VEGFA: variants seen among roughly 807,000 people sequenced by gnomAD.
VEGFA encodes the protein vascular endothelial growth factor A.
VEGFA carries 20 observed loss-of-function variants against 49.7 expected under a neutral mutation model. The observed-to-expected ratio is 0.40, with a 90% CI of 0.28 to 0.58. The LOEUF is 0.58. Among genes scored for constraint, VEGFA ranks in the 20% least tolerant of loss-of-function variants. VEGFA has a pLI of 0.40. For missense variants in VEGFA, 505 were observed against 553.5 expected (o/e 0.91, Z 0.88); for synonymous variants, 219 against 223.4 (o/e 0.98, Z 0.18).
chr6:43,774,319 CT>C, intron 1 of VEGFA, 21 bp from the exon 2 acceptor site: 2 of 1,613,976 alleles, frequency 1.2e-6, no homozygotes, highest in Admixed American at 1.7e-5. Flanking sequence ...ATGCCCATGC[CT>C]TGCTCTCTTT....
chr6:43,775,261 C>T (rs1764995256), intron 2 of VEGFA: 1 of 152,422 alleles, frequency 6.6e-6, no homozygotes, highest in Admixed American at 6.5e-5. Flanking sequence ...CCCCCTGCTT[C>T]CAGTGCGCCA....
chr6:43,777,807 G>A lies in VEGFA; in HGVS notation c.855+142G>A. The A allele has an allele frequency of 1.1e-6, 1 of 877,908 alleles. No individual in the cohort carries two copies. Among genetic ancestry groups the A allele is most frequent in the African/African-American group, 1.7e-5 (1 of 59,346 alleles). The allele number at this position is 877,908 out of a possible 1,614,324, so 54.4% of individuals were successfully genotyped here. The stretch of plus-strand genomic sequence containing the variant: ...AGTTGCACAGGGGAGGTATGGTGGG[G>A]TCTTGCCTTCTGTGGAGAAGATGCT... On this transcript the variant is annotated intron_variant, in intron 3 of 7. Transcript: ENST00000672860. The surrounding 1 kb of genome is among the most constrained non-coding windows in gnomAD (Gnocchi z 4.3).
rs913363312 is a variant in VEGFA, at chr6:43,786,274, T to A, written c.*1712T>A. ...TACATACTAAATCTCTCTCCTTTTT[T>A]AATTTTAATATTTGTTATCATTTAT... On this transcript the variant is annotated 3_prime_UTR_variant, in exon 8 of 8. Transcript: ENST00000672860. 6.7e-5 allele frequency: 12 copies of A among 179,428 alleles called. No homozygotes were observed. Among genetic ancestry groups the A allele is most frequent in the African/African-American group, 1.9e-4 (8 of 42,478 alleles). The allele number at this position is 179,428 out of a possible 1,614,324, so 11.1% of individuals were successfully genotyped here.
rs1469462911 is a variant in VEGFA, at chr6:43,773,358, C to G, written c.607-983C>G. 2 of 152,324 alleles carry G rather than the reference C, an allele frequency of 1.3e-5. No homozygotes were observed. Among genetic ancestry groups the G allele is most frequent in the African/African-American group, 4.8e-5 (2 of 41,428 alleles). The allele number at this position is 152,324 out of a possible 1,614,324, so 9.4% of individuals were successfully genotyped here. On this transcript the variant is annotated intron_variant, in intron 1 of 7. Transcript: ENST00000672860. The surrounding 1 kb of genome is among the most constrained non-coding windows in gnomAD (Gnocchi z 5.6). ...GGGGAGTTGGTGAGAGCTGGAGACCCCCAGGAAGGGCTGGCAGAAGCCTTT... is the reference window on the plus strand; with the variant it reads ...GGGGAGTTGGTGAGAGCTGGAGACCGCCAGGAAGGGCTGGCAGAAGCCTTT...
Position 43,777,411 on chromosome 6 carries a change from G to C in VEGFA, c.659-58G>C, listed in dbSNP as rs1243321713. The C allele has an allele frequency of 9.4e-6, 15 of 1,597,780 alleles. No homozygotes were observed. Among genetic ancestry groups the C allele is most frequent in the African/African-American group, 1.3e-5 (1 of 74,590 alleles). The stretch of plus-strand genomic sequence containing the variant: ...GGCATTACAGAGCTGGGTGGAGAGA[G>C]GGGCTAGCCATCTTTTGTGTCGCCC... On this transcript the variant is annotated intron_variant, in intron 2 of 7. Coordinates refer to ENST00000672860, the MANE Select transcript of VEGFA (RefSeq NM_003376.6). The surrounding 1 kb of genome is among the most constrained non-coding windows in gnomAD (Gnocchi z 4.3).
At chr6:43,781,173 G>T in intron 6 of VEGFA, 1 of 469,260 alleles carries the variant, frequency 2.1e-6, no homozygotes, top group Non-Finnish European at 3.9e-6. Context: ...TTCTGCACTC[G>T]TCTGGAAGCT....
chr6:43,784,166 C>A, intron 7 of VEGFA: 1 of 351,726 alleles, frequency 2.8e-6, no homozygotes, highest in South Asian at 2.8e-5. Flanking sequence ...TTCTGATTAA[C>A]TTCATCCAGC....
At chr6:43,772,552 T>C (rs1763973933) in intron 1 of VEGFA, among the ~76,000 whole-genome samples, 1 of 152,204 alleles carries the variant, frequency 6.6e-6, no homozygotes, top group East Asian at 1.9e-4. Context: ...AGCATGGGAA[T>C]AGTCCTTCCT....
intron 5 of VEGFA, 193 bp downstream of exon 5, chr6:43,779,111 CAT>C (rs938116921): frequency 2.9e-6 from 2 of 691,890 alleles, no homozygotes; most frequent in African/African-American, 3.6e-5. Flanking sequence ...AGTGAGAAAA[CAT>C]AGCCAGGAGC....
intron 6 of VEGFA, chr6:43,781,217 A>T: frequency 2.6e-6 from 1 of 391,090 alleles, no homozygotes; most frequent in Non-Finnish European, 4.8e-6. Context: ...TGGCCCAAGA[A>T]GGGCTGTGAA....
chr6:43,771,084 C>T lies in VEGFA; in HGVS notation c.378C>T (p.Cys126=), dbSNP rs1452572660. 4.0e-6 allele frequency: 6 copies of T among 1,488,380 alleles called. No individual in the cohort carries two copies. The highest frequency in any genetic ancestry group is 5.4e-6 in the Non-Finnish European group (6 of 1,121,102). The allele number at this position is 1,488,380 out of a possible 1,614,324, so 92.2% of individuals were successfully genotyped here. A position where few individuals can be genotyped will look rare whatever the true frequency, so the allele number is the denominator to read the frequency against. ...CATGGACGGGTGAGGCGGCGGTGTG[C>T]GCAGACAGTGCTCCAGCCGCGCGCG... The change falls in exon 1 of 8, where the codon TGC becomes TGT. Residue 126 remains cysteine (C), a synonymous_variant. Coordinates refer to ENST00000672860, the MANE Select transcript of VEGFA (RefSeq NM_003376.6).
In VEGFA at chr6:43,782,064, T is replaced by G. The variant is rs754210679; in HGVS notation, c.1143T>G (p.Leu381=). 6.2e-7 allele frequency: 1 copy of G among 1,613,916 alleles called. No homozygotes were observed. The highest frequency in any genetic ancestry group is 8.5e-7 in the Non-Finnish European group (1 of 1,179,982). The stretch of plus-strand genomic sequence containing the variant: ...ACTCGCGTTGCAAGGCGAGGCAGCT[T>G]GAGTTAAACGAACGTACTTGCAGGT... Residue 381 remains leucine, a synonymous_variant, in exon 7 of 8, where the codon CTT becomes CTG. Transcript: ENST00000672860.
chr6:43,777,362 C>A lies in VEGFA; in HGVS notation c.659-107C>A. The A allele has an allele frequency of 7.6e-7, 1 of 1,309,114 alleles. No homozygotes were observed. Among genetic ancestry groups the A allele is most frequent in the Non-Finnish European group, 1.1e-6 (1 of 922,888 alleles). 81.1% of individuals were successfully genotyped at this position (1,309,114 alleles called of 1,614,324 possible). On this transcript the variant is annotated intron_variant, in intron 2 of 7. Coordinates refer to ENST00000672860, the MANE Select transcript of VEGFA (RefSeq NM_003376.6). The surrounding 1 kb of genome is among the most constrained non-coding windows in gnomAD (Gnocchi z 4.3). ...TTACGTTAGATTTTGGAAGGACTTG[C>A]CTGATTCGGAAGCTCCAAAGAGTGG...
intron 5 of VEGFA, chr6:43,779,134 CT>C: frequency 1.6e-6 from 1 of 635,522 alleles, no homozygotes; most frequent in South Asian, 1.9e-5. Context: ...CTGGCACTTC[CT>C]TTGGAAGGGA....
At position 43,777,809 on chromosome 6, in the gene VEGFA, C is replaced by T. The variant is rs1765952258; in HGVS notation, c.855+144C>T. 2 of 863,796 alleles carry T rather than the reference C, an allele frequency of 2.3e-6. No individual in the cohort carries two copies. Among genetic ancestry groups the T allele is most frequent in the African/African-American group, 1.7e-5 (1 of 59,056 alleles). 53.5% of individuals were successfully genotyped at this position (863,796 alleles called of 1,614,324 possible). On this transcript the variant is annotated intron_variant, in intron 3 of 7. Transcript: ENST00000672860. The surrounding 1 kb of genome is among the most constrained non-coding windows in gnomAD (Gnocchi z 4.3). ...TTGCACAGGGGAGGTATGGTGGGGTCTTGCCTTCTGTGGAGAAGATGCTTC... is the reference window on the plus strand; with the variant it reads ...TTGCACAGGGGAGGTATGGTGGGGTTTTGCCTTCTGTGGAGAAGATGCTTC...
In VEGFA at chr6:43,782,069, T is replaced by TGC; in HGVS notation, c.1148_1149insGC (p.Asn384GlnfsTer63). The TGC allele has an allele frequency of 6.2e-7, 1 of 1,613,936 alleles. No individual in the cohort carries two copies. Among genetic ancestry groups the TGC allele is most frequent in the Non-Finnish European group, 8.5e-7 (1 of 1,179,994 alleles). On this transcript the variant is annotated frameshift_variant, in exon 7 of 8. Coordinates refer to ENST00000672860, the MANE Select transcript of VEGFA (RefSeq NM_003376.6). LOFTEE classifies it high-confidence loss of function. ...CGTTGCAAGGCGAGGCAGCTTGAGT[T>TGC]AAACGAACGTACTTGCAGGTTGGTT...
rs1398538428 is a variant in VEGFA, at chr6:43,777,711, G to T, written c.855+46G>T. The stretch of plus-strand genomic sequence containing the variant: ...GGGCAAGGGGGGGATAGGGAGGGGG[G>T]TAACACTTTGGGAACAGGTGGTCCC... On this transcript the variant is annotated intron_variant, in intron 3 of 7. Transcript: ENST00000672860. This position sits in a 1 kb window ranked among gnomAD's most constrained non-coding sequence, Gnocchi z 4.3. 3.4e-6 allele frequency: 2 copies of T among 588,462 alleles called. No individual in the cohort carries two copies. The highest frequency in any genetic ancestry group is 1.4e-5 in the South Asian group (1 of 69,416). The allele number at this position is 588,462 out of a possible 1,614,324, so 36.5% of individuals were successfully genotyped here.
intron 5 of VEGFA, chr6:43,780,030 A>T: frequency 4.0e-6 from 1 of 247,326 alleles, no homozygotes; most frequent in Non-Finnish European, 8.3e-6. Flanking sequence ...AGTACCGCCC[A>T]AGCCTCTCCT....
chr6:43,779,910 C>G (rs1406732133), intron 5 of VEGFA: 2 of 333,498 alleles, frequency 6.0e-6, no homozygotes, highest in African/African-American at 4.3e-5. Context: ...CCTGTTTCCC[C>G]AAATGACTGC....
Sources: allele counts gnomAD v4.1 joint callset (sites outside exome capture counted in the v4.1 genomes callset), GRCh38; gene constraint gnomAD v4.1.1; non-coding constraint Gnocchi (gnomAD v3.1); transcripts MANE v1.5; gene names NCBI Gene and HGNC (gene_info 2026-07-23, HGNC 2026-07-21).